The following LRP1B variants were observed in gnomAD, a reference collection of about 807,000 sequenced individuals.
The protein encoded by LRP1B is LDL receptor related protein 1B.
Under a neutral mutation model 556.6 loss-of-function variants are expected in LRP1B, and 217 were observed. The ratio of observed to expected loss-of-function variants is 0.39; its 90% CI spans 0.35 to 0.44. The LOEUF is 0.44. LRP1B is among the 20% of genes least tolerant of loss of function. The pLI is 1.00. For synonymous variants in LRP1B, 2,047 were observed against 1,865.8 expected (o/e 1.10, Z -2.50); for missense variants, 5,053 against 5,620.8 (o/e 0.90, Z 3.23).
chr2:140,342,202 A>G (rs879719704), intron 77 of LRP1B, among the ~76,000 whole-genome samples: 8 of 151,456 alleles, frequency 5.3e-5, no homozygotes, highest in Middle Eastern at 3.2e-3. Flanking sequence ...AAGGTTTGGG[A>G]GAAAGATACA....
chr2:141,377,239 CA>C (rs1295373387), intron 3 of LRP1B, among the ~76,000 whole-genome samples: 1 of 151,888 alleles, frequency 6.6e-6, no homozygotes, highest in Non-Finnish European at 1.5e-5. Context: ...TATATTCATC[CA>C]AAAAATATCT....
At chr2:141,013,799 C>G (rs2105386150) in intron 13 of LRP1B, 54 bp from the exon 14 acceptor site, 1 of 1,053,094 alleles carries the variant, frequency 9.5e-7, no homozygotes, top group Admixed American at 2.8e-5. Flanking sequence ...AGAAACATAA[C>G]TAGATATTTA....
intron 23 of LRP1B, among the ~76,000 whole-genome samples, chr2:140,886,975 G>C (rs192877059): frequency 8.2e-4 from 125 of 152,238 alleles, no homozygotes; most frequent in African/African-American, 2.9e-3. Flanking sequence ...GTTTCTTTTA[G>C]TATTATTTTT....
At chr2:141,718,074 G>A (rs546971965) in intron 2 of LRP1B, among the ~76,000 whole-genome samples, 1 of 152,298 alleles carries the variant, frequency 6.6e-6, no homozygotes, top group African/African-American at 2.4e-5. Flanking sequence ...ATCAGATCTT[G>A]CAAGTCACAA....
intron 55 of LRP1B, among the ~76,000 whole-genome samples, chr2:140,499,631 G>A (rs1222432773): frequency 1.3e-5 from 2 of 151,892 alleles, no homozygotes; most frequent in Non-Finnish European, 1.5e-5. Flanking sequence ...AACCTGTACA[G>A]CATGTTACTA....
At chr2:140,525,698 G>T in intron 49 of LRP1B, 146 bp downstream of exon 49, 2 of 669,414 alleles carry the variant, frequency 3.0e-6, no homozygotes, top group Non-Finnish European at 4.9e-6. Flanking sequence ...GTTTAGAACA[G>T]GTTAATTACA....
intron 3 of LRP1B, among the ~76,000 whole-genome samples, chr2:141,328,174 T>G (rs757620382): frequency 6.6e-6 from 1 of 152,208 alleles, no homozygotes; most frequent in Non-Finnish European, 1.5e-5. Flanking sequence ...TATGCACTCA[T>G]GCATGTACAT....
rs1017901969 is a variant in LRP1B at position 141,733,810 on chromosome 2, T to C, written c.205+76469A>G. ...AAATCAAATCAGTGTTCTAGTCTTA[T>C]TGTGATAGTTCAGACTACTATCAAG... is the stretch of plus-strand genomic sequence containing the variant. On this transcript the variant is annotated intron_variant, in intron 2 of 90. Coordinates refer to ENST00000389484, the MANE Select transcript of LRP1B (RefSeq NM_018557.3). Among the ~76,000 whole-genome samples the C allele has an allele frequency of 3.9e-5, 6 of 152,190 alleles. No individual in the cohort carries two copies. In the South Asian group the frequency reaches 1.0e-3, roughly 26 times the overall value.
intron 6 of LRP1B, among the ~76,000 whole-genome samples, chr2:141,207,507 T>C (rs952576217): frequency 3.9e-5 from 6 of 152,226 alleles, no homozygotes; most frequent in Admixed American, 3.9e-4. Flanking sequence ...GGTTTCTTTG[T>C]TGCTGTTATT....
intron 55 of LRP1B, among the ~76,000 whole-genome samples, chr2:140,499,544 G>A (rs974316837): frequency 4.6e-5 from 7 of 151,766 alleles, no homozygotes; most frequent in Admixed American, 2.6e-4. Context: ...ATCATAGAGC[G>A]TATTTAAACA....
intron 18 of LRP1B, among the ~76,000 whole-genome samples, chr2:140,970,009 G>T (rs1158890614): frequency 6.6e-6 from 1 of 152,048 alleles, no homozygotes; most frequent in Non-Finnish European, 1.5e-5. Context: ...TCTTGGAGTT[G>T]CTCTTCTCAA....
At chr2:140,963,446 TA>T (rs772735390) in intron 18 of LRP1B, among the ~76,000 whole-genome samples, 3,138 of 107,010 alleles carry the variant, frequency 0.029, 54 homozygotes, top group Non-Finnish European at 0.039. Flanking sequence ...TGCATATTTA[TA>T]TATATATATA....
chr2:140,853,886 C>A (rs1320757129), intron 27 of LRP1B, among the ~76,000 whole-genome samples: 3 of 151,670 alleles, frequency 2.0e-5, no homozygotes, highest in Non-Finnish European at 4.4e-5. Flanking sequence ...TAATTGAAGT[C>A]CCTAAGGAAT....
In LRP1B at chr2:141,059,175, A is replaced by T. The variant is rs1376030025; in HGVS notation, c.1237-121T>A. 4.8e-6 allele frequency: 3 copies of T among 625,048 alleles called. No individual in the cohort carries two copies. The African/African-American group carries it at 5.7e-5, about 12-fold the overall frequency. 38.7% of individuals were successfully genotyped at this position (625,048 alleles called of 1,614,324 possible). The stretch of plus-strand genomic sequence containing the variant: ...ACAGCAGAAGAACCGCAAGGATGTT[A>T]TTTACTTTTTCTCAAGGAGTTCAAC... On this transcript the variant is annotated intron_variant, in intron 8 of 90. Transcript: ENST00000389484.
intron 7 of LRP1B, among the ~76,000 whole-genome samples, chr2:141,183,101 T>G (rs1268644681): frequency 4.6e-5 from 7 of 152,056 alleles, no homozygotes; most frequent in Admixed American, 1.3e-4. Context: ...GGGAGCAATC[T>G]CTGTATTTAA....
At chr2:141,273,361 G>A (rs757836281) in intron 3 of LRP1B, among the ~76,000 whole-genome samples, 4 of 151,944 alleles carry the variant, frequency 2.6e-5, no homozygotes, top group Non-Finnish European at 4.4e-5. Flanking sequence ...TCAAGACAGG[G>A]TGGTACTGGC....
intron 2 of LRP1B, among the ~76,000 whole-genome samples, chr2:141,520,757 TA>T (rs1347445986): frequency 6.6e-6 from 1 of 152,146 alleles, no homozygotes; most frequent in African/African-American, 2.4e-5. Flanking sequence ...TGTAACTCCT[TA>T]CAATAACACA....
At chr2:141,221,976 G>C (rs1236794574) in intron 6 of LRP1B, among the ~76,000 whole-genome samples, 1 of 152,104 alleles carries the variant, frequency 6.6e-6, no homozygotes, top group African/African-American at 2.4e-5. Flanking sequence ...CAAAAAGCTA[G>C]AAAGATCTCA....
In LRP1B at chr2:141,567,542, A is replaced by G. The variant is rs894053138; in HGVS notation, c.206-87009T>C. Among the ~76,000 whole-genome samples, 19 of 152,178 alleles carry G rather than the reference A, an allele frequency of 1.2e-4. No individual in the cohort carries two copies. The East Asian group carries it at 3.7e-3, about 30-fold the overall frequency. ...TAATTTACATTAATTTTTAGATTTG[A>G]CCAAGGAAAAGTATTTGCTGTGAAG... On this transcript the variant is annotated intron_variant, in intron 2 of 90. Transcript: ENST00000389484.
Sources: gnomAD v4.1 joint callset for allele counts (sites outside exome capture counted in the v4.1 genomes callset) on GRCh38, gnomAD v4.1.1 for gene constraint, MANE v1.5 for transcripts, NCBI Gene and HGNC (gene_info 2026-07-23, HGNC 2026-07-21) for gene names.